Variants in TECRL observed in about 807,000 individuals in gnomAD.
TECRL encodes trans-2,3-enoyl-CoA reductase like.
Under a neutral mutation model 52.8 loss-of-function variants are expected in TECRL, and 63 were observed. The observed-to-expected ratio is 1.19, with a 90% CI of 0.97 to 1.47. TECRL has a LOEUF of 1.47. TECRL is among the 40% of genes most tolerant of loss of function. The pLI, the probability that TECRL is intolerant of heterozygous loss-of-function variation, is 0.00. For missense variants in TECRL, 482 were observed against 429.6 expected, an observed-to-expected ratio of 1.12 and a Z score of -1.08; for synonymous variants, 164 against 141.9, an observed-to-expected ratio of 1.16 and a Z score of -1.10.
chr4:64,391,076 G>A (rs921550860), intron 1 of TECRL, among the ~76,000 whole-genome samples: 1 of 151,712 alleles, frequency 6.6e-6, no homozygotes, highest in African/African-American at 2.4e-5. Flanking sequence ...ATTTAACTAT[G>A]TGGATTGCAT....
At chr4:64,319,243 A>G (rs1486649817) in intron 4 of TECRL, among the ~76,000 whole-genome samples, 2 of 151,792 alleles carry the variant, frequency 1.3e-5, no homozygotes, top group Non-Finnish European at 3.0e-5. Flanking sequence ...TAAGGGTTAT[A>G]GAACACGTGA....
chr4:64,276,431 T>G (rs184084048), downstream of TECRL: 1 of 151,912 alleles, frequency 6.6e-6, no homozygotes, highest in Non-Finnish European at 1.5e-5. Flanking sequence ...TATTGTTAAT[T>G]TGTATAATGT....
intron 2 of TECRL, among the ~76,000 whole-genome samples, chr4:64,346,434 C>T (rs6824140): frequency 0.9 from 137,164 of 152,320 alleles, 62,270 homozygotes; most frequent in East Asian, 1. Context: ...GGTTTCCATA[C>T]CTCCTCTGAA....
At chr4:64,355,580 C>T (rs1028453245) in intron 2 of TECRL, among the ~76,000 whole-genome samples, 3 of 151,778 alleles carry the variant, frequency 2.0e-5, no homozygotes, top group Admixed American at 6.6e-5. Flanking sequence ...GGGCAGATGA[C>T]GATGTCAGGA....
At chr4:64,350,589 G>A (rs1038669556) in intron 2 of TECRL, among the ~76,000 whole-genome samples, 28 of 152,026 alleles carry the variant, frequency 1.8e-4, no homozygotes, top group Admixed American at 5.2e-4. Flanking sequence ...TATTTAAATA[G>A]GTGGACTTTG....
At chr4:64,370,565 T>TA (rs1721908823) in intron 2 of TECRL, among the ~76,000 whole-genome samples, 4 of 151,998 alleles carry the variant, frequency 2.6e-5, no homozygotes, top group Admixed American at 2.0e-4. Context: ...ATTTGACTAA[T>TA]ATGTTACTAG....
At chr4:64,303,738 A>G (rs556892636) in intron 7 of TECRL, among the ~76,000 whole-genome samples, 2 of 151,948 alleles carry the variant, frequency 1.3e-5, no homozygotes, top group South Asian at 4.1e-4. Context: ...TTATTCTATC[A>G]TATACTGTTG....
At chr4:64,282,683 G>C in intron 9 of TECRL, among the ~76,000 whole-genome samples, 1 of 151,948 alleles carries the variant, frequency 6.6e-6, no homozygotes, top group Non-Finnish European at 1.5e-5. Flanking sequence ...GCCCCTAGAG[G>C]TGTGGAATGA....
Position 64,302,408 on chromosome 4 carries a change from T to C in TECRL, c.731-2391A>G, listed in dbSNP as rs551187053. ...GCATAGAGAGCAAAGAAGAGCAGTG[T>C]CAACTATGACGAAAAAACAACAACA... On this transcript the variant is annotated intron_variant, in intron 7 of 11. Coordinates refer to ENST00000381210, the MANE Select transcript of TECRL (RefSeq NM_001010874.5). Among the ~76,000 whole-genome samples the C allele has an allele frequency of 2.6e-4, 39 of 151,216 alleles. 2 individuals are homozygous for C. In the South Asian group the frequency reaches 8.1e-3, roughly 31 times the overall value.
rs4034910 is a variant in TECRL at position 64,334,030 on chromosome 4, C to CAAAAAAAAAAAAAAAAA, written c.287-5491_287-5475dup. 5.4e-4 allele frequency among the ~76,000 whole-genome samples: 15 copies of CAAAAAAAAAAAAAAAAA among 28,014 alleles called. 2 individuals carry two copies. The highest frequency in any genetic ancestry group is 9.5e-4 in the Non-Finnish European group (11 of 11,562). The allele number at this position is 28,014 out of a possible 152,430, so 18.4% of individuals were successfully genotyped here. On this transcript the variant is annotated intron_variant, in intron 2 of 11. Coordinates refer to ENST00000381210, the MANE Select transcript of TECRL (RefSeq NM_001010874.5). Reference sequence around the variant, plus strand: ...TGGGCGACAGAGCGAGACTCCGTCTCAAAAAAAAAAAAAAAAAAAGAAAAA... The same window carrying CAAAAAAAAAAAAAAAAA: ...TGGGCGACAGAGCGAGACTCCGTCTCAAAAAAAAAAAAAAAAAAAAAAAAAAAAAAAAAAAAGAAAAA...
chr4:64,383,165 C>T (rs573125829), intron 1 of TECRL, among the ~76,000 whole-genome samples: 2 of 152,064 alleles, frequency 1.3e-5, no homozygotes, highest in Non-Finnish European at 2.9e-5. Flanking sequence ...TTATATGTGA[C>T]TTGATGCTTT....
At chr4:64,371,257 T>A (rs1721954212) in intron 2 of TECRL, among the ~76,000 whole-genome samples, 1 of 151,164 alleles carries the variant, frequency 6.6e-6, no homozygotes, top group Non-Finnish European at 1.5e-5. Flanking sequence ...AATTATAAAT[T>A]CAATTCAATA....
chr4:64,386,143 T>A (rs1723164728), intron 1 of TECRL, among the ~76,000 whole-genome samples: 1 of 152,150 alleles, frequency 6.6e-6, no homozygotes, highest in Admixed American at 6.6e-5. Flanking sequence ...TAGCTTACTG[T>A]TGACTGGAAG....
chr4:64,354,319 G>A (rs767857129), intron 2 of TECRL, among the ~76,000 whole-genome samples: 2 of 152,124 alleles, frequency 1.3e-5, no homozygotes, highest in Non-Finnish European at 2.9e-5. Flanking sequence ...AGCACAAATA[G>A]ATAATCATGT....
At chr4:64,344,518 G>C (rs1302522784) in intron 2 of TECRL, among the ~76,000 whole-genome samples, 1 of 152,176 alleles carries the variant, frequency 6.6e-6, no homozygotes, top group South Asian at 2.1e-4. Context: ...GTAGAATGAG[G>C]TGAGAGACTT....
At chr4:64,311,429 A>C (rs1325873688) in intron 5 of TECRL, among the ~76,000 whole-genome samples, 3 of 152,184 alleles carry the variant, frequency 2.0e-5, no homozygotes, top group African/African-American at 7.2e-5. Context: ...CCTTGTGAGC[A>C]CACAGGGTAG....
At chr4:64,405,724 T>C (rs1350235261) in intron 1 of TECRL, among the ~76,000 whole-genome samples, 2 of 152,046 alleles carry the variant, frequency 1.3e-5, no homozygotes, top group Admixed American at 6.6e-5. Flanking sequence ...GGAGGAGAAG[T>C]TGTGATGACT....
chr4:64,299,688 A>G (rs1390368896), intron 8 of TECRL, among the ~76,000 whole-genome samples: 1 of 150,930 alleles, frequency 6.6e-6, no homozygotes, highest in Non-Finnish European at 1.5e-5. Flanking sequence ...TAGGTTGGTA[A>G]ATGTGCACAC....
intron 2 of TECRL, among the ~76,000 whole-genome samples, chr4:64,340,777 G>A (rs553546968): frequency 6.6e-6 from 1 of 152,306 alleles, no homozygotes; most frequent in South Asian, 2.1e-4. Flanking sequence ...CCAGCTGCCA[G>A]TCTCACAGAC....
Sources: allele counts gnomAD v4.1 joint callset (sites outside exome capture counted in the v4.1 genomes callset), GRCh38; gene constraint gnomAD v4.1.1; transcripts MANE v1.5; gene names NCBI Gene and HGNC (gene_info 2026-07-23, HGNC 2026-07-21).